Variants in RIPOR2 observed in about 807,000 individuals in gnomAD.
The protein encoded by RIPOR2 is RHO family interacting cell polarization regulator 2, also known as rho family-interacting cell polarization regulator 2.
Under a neutral mutation model 114.5 loss-of-function variants are expected in RIPOR2, and 39 were observed. That is an observed-to-expected ratio of 0.34 (90% CI 0.26 to 0.44). The LOEUF is 0.44. RIPOR2 is among the 20% of genes least tolerant of loss of function. RIPOR2 has a pLI of 1.00. For synonymous variants in RIPOR2, 445 were observed against 484.4 expected, an observed-to-expected ratio of 0.92 and a Z score of 1.07; for missense variants, 1,007 against 1,255.1, an observed-to-expected ratio of 0.80 and a Z score of 2.99.
chr6:24,831,074 G>A (rs934992012), intron 16 of RIPOR2, among the ~76,000 whole-genome samples: 4 of 151,938 alleles, frequency 2.6e-5, no homozygotes, highest in African/African-American at 7.3e-5. Flanking sequence ...TATGTGGGGG[G>A]TCTTTAGGGA....
intron 1 of RIPOR2, among the ~76,000 whole-genome samples, chr6:24,923,633 C>A (rs993388050): frequency 6.6e-6 from 1 of 151,950 alleles, no homozygotes; most frequent in Non-Finnish European, 1.5e-5. Context: ...TCACTTGAGG[C>A]CAGGAGTTTG....
chr6:24,855,261 A>C (rs532306345), intron 8 of RIPOR2, among the ~76,000 whole-genome samples: 1 of 152,180 alleles, frequency 6.6e-6, no homozygotes, highest in Non-Finnish European at 1.5e-5. Context: ...AAAAAGATGT[A>C]AAAAAGATCA....
chr6:24,806,603 G>A (rs1472169634), intron 21 of RIPOR2, 130 bp from the exon 22 acceptor site: 1 of 608,602 alleles, frequency 1.6e-6, no homozygotes, highest in Non-Finnish European at 2.8e-6. Context: ...GTAAGGAAAA[G>A]TTATCTTTTG....
chr6:25,023,817 G>A lies in RIPOR2; in HGVS notation c.76+18034C>T, dbSNP rs534882017. 71 of 751,018 alleles carry A rather than the reference G, an allele frequency of 9.5e-5. No homozygotes were observed. In the African/African-American group the frequency reaches 1.1e-3, roughly 12 times the overall value. 46.5% of individuals were successfully genotyped at this position (751,018 alleles called of 1,614,324 possible). ...TTCACGGGGACCCCTTTTTTAACTC[G>A]ATCTCGAGGATGTCAGGGGTGTTGG... On this transcript the variant is annotated intron_variant, in intron 1 of 13. Coordinates refer to the RIPOR2 transcript ENST00000510784.
chr6:24,809,611 G>A (rs1238979964), intron 21 of RIPOR2, 106 bp downstream of exon 21: 2 of 748,512 alleles, frequency 2.7e-6, no homozygotes, highest in Non-Finnish European at 4.7e-6. Flanking sequence ...TGCTAAACAG[G>A]GTACATGAAA....
chr6:24,970,146 G>A (rs1226265009), intron 1 of RIPOR2, among the ~76,000 whole-genome samples: 2 of 83,676 alleles, frequency 2.4e-5, no homozygotes, highest in Non-Finnish European at 5.3e-5. Flanking sequence ...AGTTGGAGGG[G>A]GAAAGAAAGG....
chr6:24,887,199 A>G (rs1282660608), intron 1 of RIPOR2, among the ~76,000 whole-genome samples: 1 of 152,138 alleles, frequency 6.6e-6, no homozygotes, highest in South Asian at 2.1e-4. Context: ...CCTTGCTTGT[A>G]TTTTAGTTAT....
intron 1 of RIPOR2, among the ~76,000 whole-genome samples, chr6:24,931,021 T>A (rs1771350539): frequency 6.6e-6 from 1 of 152,238 alleles, no homozygotes; most frequent in Non-Finnish European, 1.5e-5. Context: ...TTTCTCTTAC[T>A]TTTTCCATGG....
At chr6:25,007,059 T>C (rs1433907395) in intron 1 of RIPOR2, among the ~76,000 whole-genome samples, 1 of 152,210 alleles carries the variant, frequency 6.6e-6, no homozygotes, top group African/African-American at 2.4e-5. Flanking sequence ...GCAGCAATTA[T>C]TTGATTAACT....
chr6:24,938,668 T>G (rs983026376), upstream of RIPOR2, among the ~76,000 whole-genome samples: 4 of 152,182 alleles, frequency 2.6e-5, no homozygotes, highest in Non-Finnish European at 5.9e-5. Context: ...ACACTCCATA[T>G]AAAACCTCAA....
chr6:24,968,706 G>T (rs986156603), intron 1 of RIPOR2, among the ~76,000 whole-genome samples: 3 of 152,106 alleles, frequency 2.0e-5, no homozygotes, highest in Non-Finnish European at 4.4e-5. Flanking sequence ...CACATGCCAA[G>T]CCTACACTTG....
intron 1 of RIPOR2, among the ~76,000 whole-genome samples, chr6:25,033,262 G>T (rs1201586521): frequency 6.6e-6 from 1 of 152,072 alleles, no homozygotes; most frequent in Admixed American, 6.5e-5. Context: ...TTTAAAAAAT[G>T]GATATTTAAC....
intron 17 of RIPOR2, among the ~76,000 whole-genome samples, chr6:24,828,680 C>T (rs1760404249): frequency 6.6e-6 from 1 of 151,814 alleles, no homozygotes; most frequent in African/African-American, 2.4e-5. Flanking sequence ...GCTACCCTTC[C>T]CTTCCCTTAT....
intron 1 of RIPOR2, among the ~76,000 whole-genome samples, chr6:24,904,856 C>A (rs779458270): frequency 9.2e-5 from 14 of 152,178 alleles, no homozygotes; most frequent in African/African-American, 2.4e-4. Flanking sequence ...CTTACTGCAA[C>A]CTCCGCCTCC....
chr6:24,843,735 G>GTA (rs1362908200), intron 12 of RIPOR2, among the ~76,000 whole-genome samples, 181 bp from the exon 13 acceptor site: 1 of 150,874 alleles, frequency 6.6e-6, no homozygotes, highest in Non-Finnish European at 1.5e-5. Context: ...GTGTGTGTGT[G>GTA]TGTGTGTGTA....
At chr6:24,838,539 C>T (rs1761314429) in intron 14 of RIPOR2, among the ~76,000 whole-genome samples, 1 of 152,196 alleles carries the variant, frequency 6.6e-6, no homozygotes, top group Non-Finnish European at 1.5e-5. Context: ...CACCTGCAAT[C>T]CCAGCACTTT....
At chr6:24,959,046 GCT>G (rs1773184443) in intron 1 of RIPOR2, among the ~76,000 whole-genome samples, 1 of 149,440 alleles carries the variant, frequency 6.7e-6, no homozygotes, top group Non-Finnish European at 1.5e-5. Flanking sequence ...GAACTCCTGA[GCT>G]CAAGCCATCC....
intron 1 of RIPOR2, among the ~76,000 whole-genome samples, chr6:25,028,002 G>A (rs9348658): frequency 6.6e-6 from 1 of 152,022 alleles, no homozygotes; most frequent in Non-Finnish European, 1.5e-5. Context: ...CTCTAAGCCC[G>A]AGGGTTCTGC....
Position 25,003,153 on chromosome 6 carries a change from G to A in RIPOR2, c.76+38698C>T, listed in dbSNP as rs74775596. 9.5e-3 allele frequency among the ~76,000 whole-genome samples: 1,450 copies of A among 152,128 alleles called. 21 individuals carry two copies. Among genetic ancestry groups the A allele is most frequent in the African/African-American group, 0.031 (1,278 of 41,500 alleles). ...AGAAAAGATTGGTGAGTCACTTCTCGACCGTTCACATAGGGTCGAATCTTT... is the reference window on the plus strand; with the variant it reads ...AGAAAAGATTGGTGAGTCACTTCTCAACCGTTCACATAGGGTCGAATCTTT... On this transcript the variant is annotated intron_variant, in intron 1 of 13. Coordinates refer to the RIPOR2 transcript ENST00000510784.
Sources: gnomAD v4.1 joint callset for allele counts (sites outside exome capture counted in the v4.1 genomes callset) on GRCh38, gnomAD v4.1.1 for gene constraint, MANE v1.5 for transcripts, NCBI Gene and HGNC (gene_info 2026-07-23, HGNC 2026-07-21) for gene names.